NPC1L1: variants seen among roughly 807,000 people sequenced by gnomAD.
The protein encoded by NPC1L1 is NPC1-like intracellular cholesterol transporter 1.
In NPC1L1, 98 loss-of-function variants were observed where a neutral mutation model predicts 117.0. The ratio of observed to expected loss-of-function variants is 0.84; its 90% CI spans 0.71 to 0.99. The LOEUF (loss-of-function observed/expected upper bound fraction) is 0.99, where lower values mean the gene tolerates loss of function less well. Ranked by LOEUF, NPC1L1 falls within the 50% of genes least tolerant of loss-of-function variation. The pLI, the probability that NPC1L1 is intolerant of heterozygous loss-of-function variation, is 0.00. For synonymous variants in NPC1L1, 729 were observed against 727.6 expected, an observed-to-expected ratio of 1.00 and a Z score of -0.03; for missense variants, 1,540 against 1,710.0, an observed-to-expected ratio of 0.90 and a Z score of 1.75.
At chr7:44,523,684 C>T (rs929782962) in intron 10 of NPC1L1, among the ~76,000 whole-genome samples, 3 of 152,078 alleles carry the variant, frequency 2.0e-5, no homozygotes, top group East Asian at 3.9e-4. Flanking sequence ...GGGCACATAG[C>T]GACACCCTGT....
At chr7:44,516,310 C>T in intron 16 of NPC1L1, 113 bp from the exon 17 acceptor site, 1 of 940,884 alleles carries the variant, frequency 1.1e-6, no homozygotes, top group Non-Finnish European at 1.7e-6. Flanking sequence ...CTAGACAGAA[C>T]TGGGAGTATT....
chr7:44,529,990 C>A (rs1221383309), intron 10 of NPC1L1, among the ~76,000 whole-genome samples: 1 of 150,900 alleles, frequency 6.6e-6, no homozygotes, highest in Non-Finnish European at 1.5e-5. Flanking sequence ...GCCGAGTCTG[C>A]ACCATTGCAC....
Position 44,541,199 on chromosome 7 carries a change from G to A in NPC1L1, c.54+7C>T, listed in dbSNP as rs1377070340. The stretch of plus-strand genomic sequence containing the variant: ...CAGGGGAGGTGGAGCCAAGCCCTGG[G>A]ACTCACCAAGCGCAGGAGCAGGGCC... On this transcript the variant is annotated splice_region_variant and intron_variant, in intron 1 of 18. Coordinates refer to ENST00000381160, the MANE Select transcript of NPC1L1 (RefSeq NM_001101648.2). The A allele has an allele frequency of 1.9e-6, 3 of 1,549,630 alleles. No homozygotes were observed. Among genetic ancestry groups the A allele is most frequent in the East Asian group, 2.4e-5 (1 of 40,916 alleles).
At position 44,517,207 on chromosome 7, in the gene NPC1L1, G is replaced by A. The variant is rs145342895; in HGVS notation, c.3287C>T (p.Thr1096Met). 2.7e-5 allele frequency: 44 copies of A among 1,614,132 alleles called. No homozygotes were observed. In the African/African-American group the frequency reaches 4.0e-4, roughly 15 times the overall value. The change falls in exon 15 of 19, where the codon ACG (threonine) becomes ATG (methionine). Residue 1096 changes from threonine (T) to methionine (M), a missense_variant and splice_region_variant. Coordinates refer to ENST00000381160, the MANE Select transcript of NPC1L1 (RefSeq NM_001101648.2). Reference protein sequence around the residue: ...TDPAFEVFPYTITNVFYEQYL... With the variant: ...TDPAFEVFPYMITNVFYEQYL... Reference sequence around the variant, plus strand: ...CCAGCCCAGCCACTCAGGTCCTCACGTGTAGGGGAAGACCTCAAAAGCCGG... The same window carrying A: ...CCAGCCCAGCCACTCAGGTCCTCACATGTAGGGGAAGACCTCAAAAGCCGG...
At chr7:44,514,442 T>C (rs1314192956) in intron 18 of NPC1L1, among the ~76,000 whole-genome samples, 1 of 152,172 alleles carries the variant, frequency 6.6e-6, no homozygotes, top group Admixed American at 6.5e-5. Context: ...CCAAGGCAGA[T>C]GGATCACCTG....
chr7:44,526,560 A>C lies in NPC1L1; in HGVS notation c.2638-4318T>G, dbSNP rs994785791. Among the ~76,000 whole-genome samples the C allele has an allele frequency of 6.6e-5, 10 of 151,232 alleles. 1 individual carries two copies. Among genetic ancestry groups the C allele is most frequent in the African/African-American group, 1.5e-4 (6 of 41,078 alleles). ...AGACTCCATCTCAAAAAAAAAAAAA[A>C]AAAACTAAAAATTAAAAATAAAAAT... On this transcript the variant is annotated intron_variant, in intron 10 of 18. Transcript: ENST00000381160.
At chr7:44,525,487 A>C (rs1451709705) in intron 10 of NPC1L1, among the ~76,000 whole-genome samples, 1 of 152,092 alleles carries the variant, frequency 6.6e-6, no homozygotes, top group Non-Finnish European at 1.5e-5. Flanking sequence ...TGATCTCTTG[A>C]CCTTGTGATC....
At position 44,531,775 on chromosome 7, in the gene NPC1L1, G is replaced by C. The variant is rs1196858856; in HGVS notation, c.2617C>G (p.Gln873Glu). Residue 873 changes from glutamine to glutamate, a missense_variant, in exon 10 of 19, where the codon CAG becomes GAG. By Grantham distance (29) the Gln-to-Glu change is conservative (BLOSUM62 2). This residue lies in a region of NPC1L1 where 742 missense variants were observed against 873.6 expected (regional missense o/e 0.85). Coordinates refer to ENST00000381160, the MANE Select transcript of NPC1L1 (RefSeq NM_001101648.2). The stretch of plus-strand genomic sequence containing the variant: ...CTCACCTTGGGCAGGGCCAGCTCCT[G>C]GTCCAGTCCCACGCTGATGTGGCAC... ...SMCHISVGLD[Q>E]ELALPKDSYL... 4 of 1,582,476 alleles carry C rather than the reference G, an allele frequency of 2.5e-6. No homozygotes were observed. Among genetic ancestry groups the C allele is most frequent in the Admixed American group, 3.7e-5 (2 of 54,608 alleles).
In NPC1L1 at chr7:44,538,848, C is replaced by T. The variant is rs375943744; in HGVS notation, c.1549G>A (p.Asp517Asn). ...CAGTACAGAAAATGGTCCTTCCAGT[C>T]GACTTGGGAGGTCTGCCCCATCAGT... is the stretch of plus-strand genomic sequence containing the variant. Reference protein sequence around the residue: ...QTLMGQTSQVDWKDHFLYCAN... With the variant: ...QTLMGQTSQVNWKDHFLYCAN... Residue 517 changes from aspartate (D) to asparagine (N), a missense_variant, in exon 2 of 19, where the codon GAC becomes AAC. Asp to Asn is a conservative substitution (Grantham distance 23). Coordinates refer to ENST00000381160, the MANE Select transcript of NPC1L1 (RefSeq NM_001101648.2). The surrounding 1 kb of genome is among the most constrained non-coding windows in gnomAD (Gnocchi z 5.9). 9.0e-5 allele frequency: 145 copies of T among 1,614,034 alleles called. No individual in the cohort carries two copies. The highest frequency in any genetic ancestry group is 2.3e-4 in the Admixed American group (14 of 59,994).
rs1356119815 is a variant in NPC1L1 at position 44,533,572 on chromosome 7, G to A, written c.2282-14C>T. On this transcript the variant is annotated splice_polypyrimidine_tract_variant and intron_variant, in intron 7 of 18. Transcript: ENST00000381160. ...GGGTCAGGGCCCCTGTGAGGGAGCAGAGGGCTGTCAGGGCACCCTGGCTTC... is the reference window on the plus strand; with the variant it reads ...GGGTCAGGGCCCCTGTGAGGGAGCAAAGGGCTGTCAGGGCACCCTGGCTTC... 1 of 1,614,050 alleles carries A rather than the reference G, an allele frequency of 6.2e-7. No individual in the cohort carries two copies. The highest frequency in any genetic ancestry group is 1.3e-5 in the African/African-American group (1 of 74,954).
chr7:44,540,964 G>GTC (rs1802084236), intron 1 of NPC1L1, among the ~76,000 whole-genome samples: 1 of 151,998 alleles, frequency 6.6e-6, no homozygotes, highest in Non-Finnish European at 1.5e-5. Flanking sequence ...GAGGGACTTG[G>GTC]AGCACCCCAG....
chr7:44,533,720 A>G lies in NPC1L1; in HGVS notation c.2281+19T>C, dbSNP rs577551667. 1.3e-5 allele frequency: 21 copies of G among 1,611,890 alleles called. No homozygotes were observed. Among genetic ancestry groups the G allele is most frequent in the Non-Finnish European group, 9.3e-6 (11 of 1,178,278 alleles). On this transcript the variant is annotated intron_variant, in intron 7 of 18. Coordinates refer to ENST00000381160, the MANE Select transcript of NPC1L1 (RefSeq NM_001101648.2). ...CCAGCAAGCCTAATGCCGAGTGGGG[A>G]GGTCTCACCCAGGCTCACCTAGGAA...
At chr7:44,515,661 T>A (rs1431893479) in intron 18 of NPC1L1, 142 bp downstream of exon 18, 7 of 992,144 alleles carry the variant, frequency 7.1e-6, no homozygotes, top group Non-Finnish European at 1.1e-5. Flanking sequence ...CAAGACAGAA[T>A]TGCCACATGG....
Position 44,536,744 on chromosome 7 carries a change from C to A in NPC1L1, c.1681+98G>T, listed in dbSNP as rs1801907182. The A allele has an allele frequency of 9.1e-7, 1 of 1,095,214 alleles. No individual in the cohort carries two copies. Among genetic ancestry groups the A allele is most frequent in the Non-Finnish European group, 1.4e-6 (1 of 723,398 alleles). The allele number at this position is 1,095,214 out of a possible 1,614,324, so 67.8% of individuals were successfully genotyped here. A position where few individuals can be genotyped will look rare whatever the true frequency, so the allele number is the denominator to read the frequency against. On this transcript the variant is annotated intron_variant, in intron 3 of 18. Transcript: ENST00000381160. The surrounding 1 kb of genome is among the most constrained non-coding windows in gnomAD (Gnocchi z 4.7). The stretch of plus-strand genomic sequence containing the variant: ...TTCCAGAAGCCAGGCTACCCCCAGG[C>A]CGCGAGAATCCCCAGCACCACTCCC...
intron 14 of NPC1L1, among the ~76,000 whole-genome samples, chr7:44,518,887 G>A (rs988498764): frequency 2.6e-5 from 4 of 152,004 alleles, no homozygotes; most frequent in African/African-American, 4.8e-5. Context: ...CCAGCAATTC[G>A]GGGTCTGCAA....
intron 2 of NPC1L1, among the ~76,000 whole-genome samples, chr7:44,537,357 G>A (rs1010201154): frequency 1.3e-5 from 2 of 152,208 alleles, no homozygotes; most frequent in Non-Finnish European, 2.9e-5. Flanking sequence ...GGAAGAGCTG[G>A]GATTTGAGCC....
chr7:44,537,075 G>A (rs1028204138), intron 2 of NPC1L1, 133 bp from the exon 3 acceptor site: 3 of 688,016 alleles, frequency 4.4e-6, no homozygotes, highest in Non-Finnish European at 7.4e-6. Flanking sequence ...GACACTGGCT[G>A]CAGATAGCCC....
Position 44,540,128 on chromosome 7 carries a change from C to T in NPC1L1, c.269G>A (p.Cys90Tyr), listed in dbSNP as rs777395105. 6.2e-7 allele frequency: 1 copy of T among 1,614,148 alleles called. No individual in the cohort carries two copies. Among genetic ancestry groups the T allele is most frequent in the Non-Finnish European group, 8.5e-7 (1 of 1,180,030 alleles). ...RLYTGPNTQA[C>Y]CSAKQLVSLE... ...TGATACCAGCTGCTTGGCGGAGCAGCAGGCTTGGGTGTTGGGGCCGGTGTA... is the reference window on the plus strand; with the variant it reads ...TGATACCAGCTGCTTGGCGGAGCAGTAGGCTTGGGTGTTGGGGCCGGTGTA... The change falls in exon 2 of 19, where the codon TGC (cysteine) becomes TAC (tyrosine). Residue 90 changes from cysteine (C) to tyrosine (Y), a missense_variant. By Grantham distance (194) the Cys-to-Tyr change is radical. Coordinates refer to ENST00000381160, the MANE Select transcript of NPC1L1 (RefSeq NM_001101648.2).
Position 44,539,087 on chromosome 7 carries a change from T to C in NPC1L1, c.1310A>G (p.Asp437Gly). 2 of 1,613,982 alleles carry C rather than the reference T, an allele frequency of 1.2e-6. No individual in the cohort carries two copies. The highest frequency in any genetic ancestry group is 1.1e-5 in the South Asian group (1 of 91,064). ...TAGCAGCTCCAGCAGCAAGTCCAGG[T>C]CCAGGATTCCGCTGAAGTTCTTGGG... ...LGPKNFSGIL[D>G]LDLLLELLEL... The change falls in exon 2 of 19, where the codon GAC becomes GGC. Residue 437 changes from aspartate to glycine, a missense_variant. Asp to Gly is a moderately conservative substitution (Grantham distance 94). Around this residue, in one of 3 missense-constraint regions of NPC1L1, gnomAD observed 793 missense variants for 820.4 expected, o/e 0.97. Coordinates refer to ENST00000381160, the MANE Select transcript of NPC1L1 (RefSeq NM_001101648.2). This position sits in a 1 kb window ranked among gnomAD's most constrained non-coding sequence, Gnocchi z 4.4.
Sources: allele counts gnomAD v4.1 joint callset (sites outside exome capture counted in the v4.1 genomes callset), GRCh38; gene constraint gnomAD v4.1.1; regional missense constraint gnomAD v4.1.1; non-coding constraint Gnocchi (gnomAD v3.1); transcripts MANE v1.5; gene names NCBI Gene and HGNC (gene_info 2026-07-23, HGNC 2026-07-21).